The following ATXN1 variants were observed in gnomAD, a reference collection of about 807,000 sequenced individuals.
ATXN1 encodes the protein ataxin-1.
ATXN1 carries 8 observed loss-of-function variants against 56.4 expected under a neutral mutation model. That is an observed-to-expected ratio of 0.14 (90% CI 0.08 to 0.26). The LOEUF (loss-of-function observed/expected upper bound fraction) is 0.26, where lower values mean the gene tolerates loss of function less well. ATXN1 is among the 10% of genes least tolerant of loss of function. ATXN1 has a pLI of 1.00. For synonymous variants in ATXN1, 514 were observed against 494.6 expected, an observed-to-expected ratio of 1.04 and a Z score of -0.52; for missense variants, 987 against 1,106.5, an observed-to-expected ratio of 0.89 and a Z score of 1.53.
At chr6:16,698,324 T>C (rs1561812990) in intron 2 of ATXN1, among the ~76,000 whole-genome samples, 1 of 152,188 alleles carries the variant, frequency 6.6e-6, no homozygotes, top group African/African-American at 2.4e-5. Context: ...GAGCAGCTCA[T>C]AGTACCAACC....
intron 7 of ATXN1, among the ~76,000 whole-genome samples, chr6:16,325,493 G>A (rs1049984162): frequency 3.3e-5 from 5 of 151,936 alleles, no homozygotes; most frequent in African/African-American, 1.2e-4. Flanking sequence ...GAGCACACTG[G>A]AATTATCCAC....
intron 4 of ATXN1, among the ~76,000 whole-genome samples, chr6:16,579,490 CCCA>C (rs538895519): frequency 0.041 from 1,743 of 42,740 alleles, 215 homozygotes; most frequent in African/African-American, 0.14. Context: ...GCCCCCCCCC[CCCA>C]CCCGCCGATT....
intron 3 of ATXN1, among the ~76,000 whole-genome samples, chr6:16,591,830 T>A (rs915997481): frequency 6.7e-6 from 1 of 149,516 alleles, no homozygotes; most frequent in African/African-American, 2.4e-5. Context: ...AGGCCACTAA[T>A]TGTGATTTCA....
chr6:16,408,515 TAAAA>T (rs34769591), intron 6 of ATXN1, among the ~76,000 whole-genome samples: 2 of 136,844 alleles, frequency 1.5e-5, no homozygotes, highest in African/African-American at 2.8e-5. Context: ...ATGAGGATGG[TAAAA>T]AAAAAAAAAA....
chr6:16,396,663 TG>T (rs1333213296), intron 6 of ATXN1, among the ~76,000 whole-genome samples: 1 of 152,206 alleles, frequency 6.6e-6, no homozygotes, highest in Non-Finnish European at 1.5e-5. Context: ...TGGGGTACAG[TG>T]ATACAGTGAT....
intron 5 of ATXN1, among the ~76,000 whole-genome samples, chr6:16,516,250 T>C (rs1201361830): frequency 6.6e-6 from 1 of 152,256 alleles, no homozygotes; most frequent in Non-Finnish European, 1.5e-5. Flanking sequence ...CCAGGTATAT[T>C]ACTGCTACAA....
At chr6:16,611,578 T>C (rs1763106441) in intron 3 of ATXN1, among the ~76,000 whole-genome samples, 1 of 152,114 alleles carries the variant, frequency 6.6e-6, no homozygotes, top group African/African-American at 2.4e-5. Context: ...TACAAGAAGA[T>C]TGGGGCAAAG....
chr6:16,741,015 T>C (rs1760322122), intron 2 of ATXN1, among the ~76,000 whole-genome samples: 1 of 152,186 alleles, frequency 6.6e-6, no homozygotes, highest in African/African-American at 2.4e-5. Context: ...ACGCAAATAA[T>C]TTCTGGGGTA....
At chr6:16,366,473 A>G (rs950905116) in intron 6 of ATXN1, among the ~76,000 whole-genome samples, 1 of 152,092 alleles carries the variant, frequency 6.6e-6, no homozygotes, top group African/African-American at 2.4e-5. Context: ...CACTTAAACT[A>G]TATATGCATG....
At chr6:16,511,991 C>G (rs1761091451) in intron 5 of ATXN1, among the ~76,000 whole-genome samples, 1 of 152,238 alleles carries the variant, frequency 6.6e-6, no homozygotes, top group African/African-American at 2.4e-5. Flanking sequence ...TCTCCAGCCC[C>G]CATCTTTCTC....
At position 16,314,115 on chromosome 6, in the gene ATXN1, G is replaced by GT. The variant is rs547962188; in HGVS notation, c.1918-7257dup. On this transcript the variant is annotated intron_variant, in intron 7 of 7. Coordinates refer to ENST00000436367, the MANE Select transcript of ATXN1 (RefSeq NM_001128164.2). Reference sequence around the variant, plus strand: ...CGGATAGCTTGCCAGCCCAATGCTAGTTTTCTCCTCACTAATTAGTGTGAA... The same window carrying GT: ...CGGATAGCTTGCCAGCCCAATGCTAGTTTTTCTCCTCACTAATTAGTGTGAA... 3.4e-4 allele frequency among the ~76,000 whole-genome samples: 52 copies of GT among 152,338 alleles called. 1 individual carries two copies. In the South Asian group the frequency reaches 9.7e-3, roughly 29 times the overall value.
At chr6:16,476,324 T>C (rs891985300) in intron 6 of ATXN1, among the ~76,000 whole-genome samples, 5 of 152,180 alleles carry the variant, frequency 3.3e-5, no homozygotes, top group Non-Finnish European at 5.9e-5. Context: ...ACCTAACTGG[T>C]CTATCATCTA....
intron 5 of ATXN1, among the ~76,000 whole-genome samples, chr6:16,515,424 C>T (rs1469957918): frequency 6.6e-6 from 1 of 152,174 alleles, no homozygotes. Context: ...CTACCACTAC[C>T]ACCCCCAAAC....
At chr6:16,665,523 G>A in intron 2 of ATXN1, among the ~76,000 whole-genome samples, 1 of 142,842 alleles carries the variant, frequency 7.0e-6, no homozygotes, top group East Asian at 2.1e-4. Flanking sequence ...TCTTACAGAT[G>A]TCCCTCCAGA....
chr6:16,447,819 C>T (rs1419354543), intron 6 of ATXN1, among the ~76,000 whole-genome samples: 6 of 152,006 alleles, frequency 3.9e-5, no homozygotes, highest in African/African-American at 1.5e-4. Context: ...TTTAAAAGCC[C>T]CAAAGATTCT....
chr6:16,492,558 CT>C (rs35384376), intron 5 of ATXN1, among the ~76,000 whole-genome samples: 6 of 147,462 alleles, frequency 4.1e-5, no homozygotes, highest in African/African-American at 9.9e-5. Flanking sequence ...CAATACATTT[CT>C]TTTTTTTTTT....
chr6:16,656,262 C>T (rs1758199799), intron 3 of ATXN1, among the ~76,000 whole-genome samples: 1 of 152,162 alleles, frequency 6.6e-6, no homozygotes, highest in Non-Finnish European at 1.5e-5. Flanking sequence ...ACCAAGCCTA[C>T]ACAGAAATTC....
intron 4 of ATXN1, among the ~76,000 whole-genome samples, chr6:16,538,343 T>C (rs886327843): frequency 2.0e-5 from 3 of 152,232 alleles, no homozygotes; most frequent in African/African-American, 7.2e-5. Context: ...AGCAGTATTA[T>C]AGGTGTTTGC....
At chr6:16,580,052 T>C (rs1042547622) in intron 4 of ATXN1, among the ~76,000 whole-genome samples, 3 of 152,116 alleles carry the variant, frequency 2.0e-5, no homozygotes, top group Non-Finnish European at 2.9e-5. Context: ...TGCTTCTTGC[T>C]AATAAAAAAA....
Sources: gnomAD v4.1 joint callset for allele counts (sites outside exome capture counted in the v4.1 genomes callset) on GRCh38, gnomAD v4.1.1 for gene constraint, MANE v1.5 for transcripts, NCBI Gene and HGNC (gene_info 2026-07-23, HGNC 2026-07-21) for gene names.